The following PIK3R6 variants were observed in gnomAD, a reference collection of about 807,000 sequenced individuals.
PIK3R6 encodes the protein phosphoinositide-3-kinase regulatory subunit 6.
A neutral mutation model predicts 84.9 loss-of-function variants in PIK3R6; 91 were observed. The ratio of observed to expected loss-of-function variants is 1.07; its 90% CI spans 0.90 to 1.28. PIK3R6 has a LOEUF of 1.28. PIK3R6 is among the 50% of genes most tolerant of loss of function. The probability of loss-of-function intolerance (pLI) is 0.00; values close to 1 mark genes in which losing one functional copy is unlikely to be tolerated. For synonymous variants in PIK3R6, 416 were observed against 411.4 expected (o/e 1.01, Z -0.13); for missense variants, 996 against 985.1 (o/e 1.01, Z -0.15).
intron 9 of PIK3R6, among the ~76,000 whole-genome samples, chr17:8,831,925 C>T (rs1466964836): frequency 6.6e-6 from 1 of 152,196 alleles, no homozygotes; most frequent in Non-Finnish European, 1.5e-5. Flanking sequence ...TCAGGGTAGG[C>T]ATTATCTTAC....
intron 1 of PIK3R6, among the ~76,000 whole-genome samples, chr17:8,857,022 C>T (rs12951083): frequency 0.013 from 1,999 of 150,996 alleles, 20 homozygotes; most frequent in Non-Finnish European, 0.021. Flanking sequence ...GGCTCCCCCT[C>T]GACATTCAGG....
At chr17:8,813,261 A>C (rs572417060) in intron 18 of PIK3R6, among the ~76,000 whole-genome samples, 8 of 149,906 alleles carry the variant, frequency 5.3e-5, no homozygotes, top group African/African-American at 7.4e-5. Context: ...AATAAAAAAA[A>C]CTCTCAATTA....
chr17:8,860,658 A>G (rs2089258634), intron 1 of PIK3R6, among the ~76,000 whole-genome samples: 1 of 152,194 alleles, frequency 6.6e-6, no homozygotes, highest in Non-Finnish European at 1.5e-5. Flanking sequence ...ATAAAAATCA[A>G]GATTTCCAGC....
intron 12 of PIK3R6, among the ~76,000 whole-genome samples, chr17:8,827,646 G>C (rs578170698): frequency 1.3e-5 from 2 of 151,658 alleles, no homozygotes; most frequent in African/African-American, 2.4e-5. Flanking sequence ...CCCACAACTA[G>C]ATCAATGGAC....
intron 1 of PIK3R6, among the ~76,000 whole-genome samples, chr17:8,854,662 C>A (rs1047183855): frequency 2.0e-4 from 31 of 152,186 alleles, no homozygotes; most frequent in African/African-American, 7.2e-4. Flanking sequence ...AGAAGCAAAA[C>A]CTTGACGTAA....
intron 7 of PIK3R6, among the ~76,000 whole-genome samples, chr17:8,836,233 G>A (rs1414287059): frequency 6.6e-6 from 1 of 152,238 alleles, no homozygotes; most frequent in Non-Finnish European, 1.5e-5. Flanking sequence ...ATGGCCAAGG[G>A]CAGGATGGAG....
At position 8,819,165 on chromosome 17, in the gene PIK3R6, G is replaced by A. The variant is rs757176436; in HGVS notation, c.1913C>T (p.Ala638Val). The A allele has an allele frequency of 4.3e-6, 7 of 1,610,380 alleles. No individual in the cohort carries two copies. The highest frequency in any genetic ancestry group is 5.1e-6 in the Non-Finnish European group (6 of 1,178,194). The stretch of plus-strand genomic sequence containing the variant: ...CAGACATGTGTGGTCTGTGACAGGA[G>A]CAGCAGGCAGGGGGCAATGGCTAGA... ...SGSSHCPLPA[A>V]PVTDHTCLNV... The change falls in exon 18 of 20, where the codon GCT (alanine) becomes GTT (valine). Residue 638 changes from alanine to valine, a missense_variant. By Grantham distance (64) the Ala-to-Val change is moderately conservative. Transcript: ENST00000619866.
At position 8,814,591 on chromosome 17, in the gene PIK3R6, A is replaced by G. The variant is rs540518847; in HGVS notation, c.1995+4492T>C. On this transcript the variant is annotated intron_variant, in intron 18 of 19. Transcript: ENST00000619866. Reference sequence around the variant, plus strand: ...GTCCTTAAATAGCCTAAATTTTCAAAAAATGAATTTGAAGAAAACTCCCCC... The same window carrying G: ...GTCCTTAAATAGCCTAAATTTTCAAGAAATGAATTTGAAGAAAACTCCCCC... Among the ~76,000 whole-genome samples the G allele has an allele frequency of 6.8e-4, 103 of 152,292 alleles. 1 individual carries two copies. The Middle Eastern group carries it at 0.01, about 15-fold the overall frequency.
intron 8 of PIK3R6, 134 bp downstream of exon 8, chr17:8,835,139 A>T: frequency 9.2e-7 from 1 of 1,086,794 alleles, no homozygotes; most frequent in Non-Finnish European, 1.3e-6. Context: ...CGCCCAGCCA[A>T]AATGTATTAA....
intron 17 of PIK3R6, among the ~76,000 whole-genome samples, chr17:8,821,189 G>A (rs2087719298): frequency 6.6e-6 from 1 of 152,186 alleles, no homozygotes; most frequent in South Asian, 2.1e-4. Flanking sequence ...TCCCGGGGGA[G>A]GCAGTGGTAA....
At chr17:8,841,616 A>C (rs1460865867) in intron 2 of PIK3R6, among the ~76,000 whole-genome samples, 1 of 152,080 alleles carries the variant, frequency 6.6e-6, no homozygotes, top group African/African-American at 2.4e-5. Context: ...TCTCTTTCCT[A>C]ATGCAATAGT....
rs943817973 is a variant in PIK3R6, at chr17:8,844,282, T to G, written c.14-4585A>C. 4.6e-5 allele frequency among the ~76,000 whole-genome samples: 7 copies of G among 152,232 alleles called. No homozygotes were observed. Among genetic ancestry groups the G allele is most frequent in the African/African-American group, 1.7e-4 (7 of 41,460 alleles). On this transcript the variant is annotated intron_variant, in intron 2 of 19. Coordinates refer to ENST00000619866, the MANE Select transcript of PIK3R6 (RefSeq NM_001010855.4). The surrounding 1 kb of genome is among the most constrained non-coding windows in gnomAD (Gnocchi z 4.5). ...CCACCGTGGACTGGAGACGACAGAC[T>G]TTTCCCACTACCCAGACTTTATAAA...
At position 8,828,186 on chromosome 17, in the gene PIK3R6, G is replaced by A; in HGVS notation, c.1318C>T (p.Arg440Trp). The A allele has an allele frequency of 3.1e-6, 5 of 1,613,936 alleles. No homozygotes were observed. The highest frequency in any genetic ancestry group is 2.2e-5 in the South Asian group (2 of 91,090). The part of the protein sequence containing the change: ...LAQAYHRLRK[R>W]ETQKFCLTPR... ...GTGAGGCAGAACTTCTGGGTCTCCC[G>A]TTTCCTAGCAATGGGCAGCAAAGCA... Residue 440 changes from arginine to tryptophan, a missense_variant, in exon 12 of 20, where the codon CGG becomes TGG. By Grantham distance (101) the Arg-to-Trp change is moderately radical. Coordinates refer to ENST00000619866, the MANE Select transcript of PIK3R6 (RefSeq NM_001010855.4).
At chr17:8,830,754 C>T (rs2088204120) in intron 9 of PIK3R6, among the ~76,000 whole-genome samples, 2 of 152,200 alleles carry the variant, frequency 1.3e-5, no homozygotes, top group African/African-American at 2.4e-5. Context: ...CTCCAGAGTT[C>T]CTGCTCTTAC....
At chr17:8,866,769 C>CTT in intron 1 of PIK3R6, among the ~76,000 whole-genome samples, 2 of 152,260 alleles carry the variant, frequency 1.3e-5, no homozygotes, top group Middle Eastern at 6.8e-3. Flanking sequence ...CCTGCAGTCT[C>CTT]TTTCATCCTG....
At position 8,806,900 on chromosome 17, in the gene PIK3R6, C is replaced by A. The variant is rs570718691; in HGVS notation, c.1996-2747G>T. Among the ~76,000 whole-genome samples, 10 of 152,306 alleles carry A rather than the reference C, an allele frequency of 6.6e-5. No homozygotes were observed. The South Asian group carries it at 1.0e-3, about 16-fold the overall frequency. The stretch of plus-strand genomic sequence containing the variant: ...GTGGTTATCATCCAGTCCATGTGGA[C>A]AAAACATGTATGTGGACCTGCCTGG... On this transcript the variant is annotated intron_variant, in intron 18 of 19. Coordinates refer to ENST00000619866, the MANE Select transcript of PIK3R6 (RefSeq NM_001010855.4).
At chr17:8,829,250 C>G (rs565158925) in intron 10 of PIK3R6, among the ~76,000 whole-genome samples, 2 of 150,878 alleles carry the variant, frequency 1.3e-5, no homozygotes, top group Non-Finnish European at 2.9e-5. Context: ...CACATGCATG[C>G]ACGCATACAC....
intron 10 of PIK3R6, 36 bp downstream of exon 10, chr17:8,829,670 A>T (rs1385803912): frequency 6.5e-7 from 1 of 1,532,182 alleles, no homozygotes; most frequent in Admixed American, 2.0e-5. Context: ...ACACAGACAT[A>T]TACCACTGTT....
Position 8,839,509 on chromosome 17 carries a change from C to G in PIK3R6, c.97+105G>C. On this transcript the variant is annotated intron_variant, in intron 3 of 19. Coordinates refer to ENST00000619866, the MANE Select transcript of PIK3R6 (RefSeq NM_001010855.4). This position sits in a 1 kb window ranked among gnomAD's most constrained non-coding sequence, Gnocchi z 4.2. ...AAGGGGTTTGGTGAGACGACCCTTG[C>G]CCCCTGAGCTCCAGGCCGGGGCTCT... 1.3e-5 allele frequency: 11 copies of G among 859,438 alleles called. No individual in the cohort carries two copies. The South Asian group carries it at 1.8e-4, about 14-fold the overall frequency. The allele number at this position is 859,438 out of a possible 1,614,324, so 53.2% of individuals were successfully genotyped here. A position where few individuals can be genotyped will look rare whatever the true frequency, so the allele number is the denominator to read the frequency against.
Sources: gnomAD v4.1 joint callset for allele counts (sites outside exome capture counted in the v4.1 genomes callset) on GRCh38, gnomAD v4.1.1 for gene constraint, Gnocchi (gnomAD v3.1) non-coding constraint, MANE v1.5 for transcripts, NCBI Gene and HGNC (gene_info 2026-07-23, HGNC 2026-07-21) for gene names.